FAT4: variants seen among roughly 807,000 people sequenced by gnomAD.
The protein encoded by FAT4 is FAT atypical cadherin 4.
FAT4 carries 84 observed loss-of-function variants against 303.9 expected under a neutral mutation model. That is an observed-to-expected ratio of 0.28 (90% CI 0.23 to 0.33). The LOEUF (loss-of-function observed/expected upper bound fraction) is 0.33, where lower values mean the gene tolerates loss of function less well. Among genes scored for constraint, FAT4 ranks in the 10% least tolerant of loss-of-function variants. FAT4 has a pLI of 1.00. For missense variants in FAT4, 6,005 were observed against 6,146.8 expected, an observed-to-expected ratio of 0.98 and a Z score of 0.77; for synonymous variants, 2,307 against 2,298.8, an observed-to-expected ratio of 1.00 and a Z score of -0.10.
At chr4:125,464,914 G>A (rs1335583647) in intron 11 of FAT4, among the ~76,000 whole-genome samples, 1 of 152,112 alleles carries the variant, frequency 6.6e-6, no homozygotes, top group Non-Finnish European at 1.5e-5. Flanking sequence ...GAACAGTAAA[G>A]CTCAATCTAT....
chr4:125,390,325 T>C (rs768128957), intron 2 of FAT4, among the ~76,000 whole-genome samples: 7 of 152,174 alleles, frequency 4.6e-5, no homozygotes, highest in Non-Finnish European at 7.3e-5. Context: ...AGCTTCTCAC[T>C]GCATTGTGGG....
chr4:125,331,224 G>C (rs534269348), intron 2 of FAT4, among the ~76,000 whole-genome samples: 2 of 152,178 alleles, frequency 1.3e-5, no homozygotes, highest in African/African-American at 4.8e-5. Context: ...ATCTGTTTCT[G>C]CTATATGCAC....
At chr4:125,365,649 A>G (rs916299932) in intron 2 of FAT4, among the ~76,000 whole-genome samples, 2 of 152,216 alleles carry the variant, frequency 1.3e-5, no homozygotes, top group African/African-American at 4.8e-5. Flanking sequence ...CTGCTGTTTA[A>G]ACAAGATCAT....
chr4:125,348,685 A>G (rs1413912202), intron 2 of FAT4, among the ~76,000 whole-genome samples: 1 of 151,768 alleles, frequency 6.6e-6, no homozygotes, highest in Non-Finnish European at 1.5e-5. Context: ...CAATTATCCA[A>G]GACAGCCATA....
rs576108620 is a variant in FAT4, at chr4:125,449,973, G to C, written c.8963G>C (p.Ser2988Thr). The change falls in exon 10 of 18, where the codon AGT becomes ACT. Residue 2988 changes from serine (S) to threonine (T), a missense_variant. Transcript: ENST00000394329. ...GACAATGCACCTCAATTTCTTAAAA[G>C]TAAATATTTCACTCCAGTCACCAAA... ...SNDNAPQFLK[S>T]KYFTPVTKNV... is the part of the protein sequence containing the mutation. 19 of 1,613,758 alleles carry C rather than the reference G, an allele frequency of 1.2e-5. No homozygotes were observed. The African/African-American group carries it at 2.4e-4, about 20-fold the overall frequency.
Position 125,393,848 on chromosome 4 carries a change from C to T in FAT4, c.5176-4936C>T. On this transcript the variant is annotated intron_variant, in intron 2 of 17. Transcript: ENST00000394329. ...TTTAATCTCAGTCATGTGTTTGTCT[C>T]TAAATAAAATTATTTCATTTACCAG... 4.4e-6 allele frequency: 3 copies of T among 685,004 alleles called. No homozygotes were observed. In the South Asian group the frequency reaches 5.1e-5, roughly 12 times the overall value. The allele number at this position is 685,004 out of a possible 1,614,324, so 42.4% of individuals were successfully genotyped here.
At position 125,318,532 on chromosome 4, in the gene FAT4, C is replaced by T. The variant is rs1163917467; in HGVS notation, c.2121C>T (p.Tyr707=). The T allele has an allele frequency of 6.2e-7, 1 of 1,614,084 alleles. No individual in the cohort carries two copies. Among genetic ancestry groups the T allele is most frequent in the Non-Finnish European group, 8.5e-7 (1 of 1,180,040 alleles). ...HIKENEPGGS[Y]ITTVSATDPD... ...AGGAGAATGAGCCTGGAGGTAGCTA[C>T]ATCACCACTGTGTCTGCCACTGACC... The change falls in exon 2 of 18, where the codon TAC becomes TAT. Residue 707 remains tyrosine (Y), a synonymous_variant. Coordinates refer to ENST00000394329, the MANE Select transcript of FAT4 (RefSeq NM_001291303.3).
Position 125,316,615 on chromosome 4 carries a change from C to T in FAT4, c.204C>T (p.Pro68=). ...TGGTAGGCACCATCCAGACGCGCCC[C>T]GGCTTCACCTACAGGCTCAGCGAAA... ...GTLVGTIQTR[P]GFTYRLSESH... The change falls in exon 2 of 18, where the codon CCC becomes CCT. Residue 68 remains proline, a synonymous_variant. Coordinates refer to ENST00000394329, the MANE Select transcript of FAT4 (RefSeq NM_001291303.3). This position sits in a 1 kb window ranked among gnomAD's most constrained non-coding sequence, Gnocchi z 5.7. 1.9e-6 allele frequency: 3 copies of T among 1,613,966 alleles called. No individual in the cohort carries two copies. The highest frequency in any genetic ancestry group is 4.5e-5 in the East Asian group (2 of 44,864).
chr4:125,427,841 T>G (rs1725136853), intron 7 of FAT4, among the ~76,000 whole-genome samples: 1 of 152,210 alleles, frequency 6.6e-6, no homozygotes, highest in African/African-American at 2.4e-5. Context: ...CTGAATAGCC[T>G]TTTATGTTTC....
chr4:125,460,889 C>A (rs1042885432), intron 10 of FAT4, among the ~76,000 whole-genome samples: 4 of 151,946 alleles, frequency 2.6e-5, no homozygotes, highest in African/African-American at 9.7e-5. Flanking sequence ...TCCACTAAGA[C>A]AAAGTAAAAA....
rs977278626 is a variant in FAT4, at chr4:125,324,488, G to T, written c.5175+2902G>T. On this transcript the variant is annotated intron_variant, in intron 2 of 17. Coordinates refer to ENST00000394329, the MANE Select transcript of FAT4 (RefSeq NM_001291303.3). Reference sequence around the variant, plus strand: ...TATAACTTGGGAATAAATCACCAGAGAAAAGCTGAGGAAATGAAGGAAGTT... The same window carrying T: ...TATAACTTGGGAATAAATCACCAGATAAAAGCTGAGGAAATGAAGGAAGTT... Among the ~76,000 whole-genome samples, 5 of 152,144 alleles carry T rather than the reference G, an allele frequency of 3.3e-5. No individual in the cohort carries two copies. In the East Asian group the frequency reaches 9.6e-4, roughly 29 times the overall value.
intron 5 of FAT4, 135 bp from the exon 6 acceptor site, chr4:125,414,749 G>T: frequency 1.6e-6 from 1 of 615,958 alleles, no homozygotes; most frequent in South Asian, 2.1e-5. Context: ...TAGATCATTT[G>T]TTCACAGGAT....
rs1452980059 is a variant in FAT4 at position 125,344,731 on chromosome 4, C to CAGAA, written c.5175+23145_5175+23146insAGAA. Among the ~76,000 whole-genome samples the CAGAA allele has an allele frequency of 2.0e-5, 3 of 152,176 alleles. No homozygotes were observed. In the East Asian group the frequency reaches 5.8e-4, roughly 30 times the overall value. ...GTTGCCTTCCAGGTAGAGTTAGTCT[C>CAGAA]TTCTAAGTTCCACCATTTTTATTCA... On this transcript the variant is annotated intron_variant, in intron 2 of 17. Coordinates refer to ENST00000394329, the MANE Select transcript of FAT4 (RefSeq NM_001291303.3).
intron 2 of FAT4, among the ~76,000 whole-genome samples, chr4:125,376,072 A>G (rs935524334): frequency 6.6e-6 from 1 of 152,226 alleles, no homozygotes; most frequent in Non-Finnish European, 1.5e-5. Context: ...TTCAGAGAAC[A>G]TTAGCCATAT....
chr4:125,450,196 T>C lies in FAT4; in HGVS notation c.9186T>C (p.Thr3062=). ...DLNQNFFITV[T]AKDKGNPPLS... is the part of the protein sequence containing the mutation. ...ACCAAAACTTTTTTATCACAGTCAC[T>C]GCAAAGGATAAGGGAAACCCTCCAC... The change falls in exon 10 of 18, where the codon ACT becomes ACC. Residue 3062 remains threonine (T), a synonymous_variant. Coordinates refer to ENST00000394329, the MANE Select transcript of FAT4 (RefSeq NM_001291303.3). 1 of 1,613,892 alleles carries C rather than the reference T, an allele frequency of 6.2e-7. No homozygotes were observed. The highest frequency in any genetic ancestry group is 8.5e-7 in the Non-Finnish European group (1 of 1,179,988).
At chr4:125,386,074 T>C (rs953234885) in intron 2 of FAT4, among the ~76,000 whole-genome samples, 2 of 152,156 alleles carry the variant, frequency 1.3e-5, no homozygotes, top group Non-Finnish European at 2.9e-5. Flanking sequence ...CTCAATGTAA[T>C]TGTAATAGTT....
chr4:125,363,302 C>G (rs1472656720), intron 2 of FAT4, among the ~76,000 whole-genome samples: 1 of 151,566 alleles, frequency 6.6e-6, no homozygotes, highest in Non-Finnish European at 1.5e-5. Flanking sequence ...TTGAGAGAAG[C>G]AAATAGAAGT....
rs115401398 is a variant in FAT4, at chr4:125,412,983, G to A, written c.5921-1901G>A. 6.9e-3 allele frequency among the ~76,000 whole-genome samples: 1,053 copies of A among 151,604 alleles called. 3 individuals are homozygous for A. The highest frequency in any genetic ancestry group is 0.022 in the African/African-American group (902 of 41,450). ...AAATTTTCTTAAAAAGTAATTAAAC[G>A]TAACTATATATGTAGATGTTAATAG... is the stretch of plus-strand genomic sequence containing the variant. On this transcript the variant is annotated intron_variant, in intron 5 of 17. Coordinates refer to ENST00000394329, the MANE Select transcript of FAT4 (RefSeq NM_001291303.3).
At chr4:125,363,863 T>TTATTA (rs1208967761) in intron 2 of FAT4, among the ~76,000 whole-genome samples, 3 of 152,204 alleles carry the variant, frequency 2.0e-5, no homozygotes, top group African/African-American at 7.2e-5. Flanking sequence ...TATTCACTAC[T>TTATTA]TATTATCTCA....
Sources: allele counts gnomAD v4.1 joint callset (sites outside exome capture counted in the v4.1 genomes callset), GRCh38; gene constraint gnomAD v4.1.1; non-coding constraint Gnocchi (gnomAD v3.1); transcripts MANE v1.5; gene names NCBI Gene and HGNC (gene_info 2026-07-23, HGNC 2026-07-21).